The following BCL9 variants were observed in gnomAD, a reference collection of about 807,000 sequenced individuals.
BCL9 encodes the protein BCL9 transcription coactivator, also known as B-cell CLL/lymphoma 9 protein.
In BCL9, 25 loss-of-function variants were observed where a neutral mutation model predicts 88.5. That is an observed-to-expected ratio of 0.28 (90% CI 0.21 to 0.39). The LOEUF (loss-of-function observed/expected upper bound fraction) is 0.39, where lower values mean the gene tolerates loss of function less well. Ranked by LOEUF, BCL9 falls within the 10% of genes least tolerant of loss-of-function variation. The pLI is 1.00. For missense variants in BCL9, 1,817 were observed against 1,877.8 expected, an observed-to-expected ratio of 0.97 and a Z score of 0.60; for synonymous variants, 711 against 673.3, an observed-to-expected ratio of 1.06 and a Z score of -0.87.
chr1:147,612,731 G>A, intron 4 of BCL9, 152 bp from the exon 5 acceptor site: 1 of 721,340 alleles, frequency 1.4e-6, no homozygotes, highest in Non-Finnish European at 2.2e-6. Context: ...GATCAGGGGT[G>A]GCGGGAGCAA....
Position 147,619,762 on chromosome 1 carries a change from A to T in BCL9, c.1607A>T (p.Asp536Val). 1 of 1,613,876 alleles carries T rather than the reference A, an allele frequency of 6.2e-7. No homozygotes were observed. Among genetic ancestry groups the T allele is most frequent in the Non-Finnish European group, 8.5e-7 (1 of 1,179,964 alleles). Residue 536 changes from aspartate (D) to valine (V), a missense_variant, in exon 8 of 10, where the codon GAT becomes GTT. Coordinates refer to ENST00000234739, the MANE Select transcript of BCL9 (RefSeq NM_004326.4). This position sits in a 1 kb window ranked among gnomAD's most constrained non-coding sequence, Gnocchi z 4.1. ...WAPGGTEPFS[D>V]GINMPHSLPP... is the part of the protein sequence containing the mutation. ...CCTGGGGGTACAGAGCCATTTTCTG[A>T]TGGTATCAACATGCCACATTCTCTG...
At chr1:147,575,410 G>A (rs1553197966) in intron 1 of BCL9, among the ~76,000 whole-genome samples, 2 of 152,132 alleles carry the variant, frequency 1.3e-5, no homozygotes, top group Non-Finnish European at 2.9e-5. Flanking sequence ...TTTGCCCAGT[G>A]CCCAACACCA....
chr1:147,576,556 A>G (rs1232381373), intron 1 of BCL9, among the ~76,000 whole-genome samples: 1 of 152,186 alleles, frequency 6.6e-6, no homozygotes, highest in Non-Finnish European at 1.5e-5. Flanking sequence ...CATTGTGGTG[A>G]TATACTGTAA....
chr1:147,597,659 A>C (rs868911076), intron 1 of BCL9, among the ~76,000 whole-genome samples: 3 of 152,240 alleles, frequency 2.0e-5, no homozygotes, highest in Non-Finnish European at 2.9e-5. Context: ...TTCAGAGGGC[A>C]AAAATTCTAG....
rs1553203735 is a variant in BCL9, at chr1:147,615,830, G to A, written c.588G>A (p.Gln196=). The part of the protein sequence containing the change: ...NKAAEAVLKG[Q]VETIVSFHIQ... ...CTGCAGAAGCTGTTTTGAAGGGCCA[G>A]GTTGAAACTATCGTCTCTTTCCACA... Residue 196 remains glutamine (Q), a synonymous_variant, in exon 7 of 10, where the codon CAG becomes CAA. Coordinates refer to ENST00000234739, the MANE Select transcript of BCL9 (RefSeq NM_004326.4). The A allele has an allele frequency of 6.2e-7, 1 of 1,614,166 alleles. No homozygotes were observed.
At chr1:147,607,879 G>A (rs782693120) in intron 3 of BCL9, among the ~76,000 whole-genome samples, 7 of 152,324 alleles carry the variant, frequency 4.6e-5, no homozygotes, top group Admixed American at 1.3e-4. Context: ...TGTGTATACA[G>A]ATCTGCTGGA....
chr1:147,562,753 T>C (rs1291004009), intron 1 of BCL9, among the ~76,000 whole-genome samples: 1 of 152,128 alleles, frequency 6.6e-6, no homozygotes, highest in Non-Finnish European at 1.5e-5. Flanking sequence ...ACTTGCACAT[T>C]TATACTTAGG....
chr1:147,554,794 A>G (rs1553195232), intron 1 of BCL9, among the ~76,000 whole-genome samples: 2 of 152,098 alleles, frequency 1.3e-5, no homozygotes, highest in African/African-American at 4.8e-5. Flanking sequence ...ATTTTACAGG[A>G]TCTTTGGGGG....
intron 1 of BCL9, among the ~76,000 whole-genome samples, chr1:147,555,238 G>C (rs1298481403): frequency 6.6e-6 from 1 of 151,996 alleles, no homozygotes; most frequent in Non-Finnish European, 1.5e-5. Flanking sequence ...CTCTGGGTTG[G>C]TTTACGAAGT....
intron 1 of BCL9, among the ~76,000 whole-genome samples, chr1:147,592,208 C>T (rs1359510688): frequency 6.6e-6 from 1 of 152,240 alleles, no homozygotes; most frequent in East Asian, 1.9e-4. Context: ...ATACAGAACC[C>T]CCAAATCAAG....
intron 1 of BCL9, among the ~76,000 whole-genome samples, chr1:147,568,093 C>T (rs1188626035): frequency 2.0e-5 from 3 of 152,190 alleles, no homozygotes; most frequent in African/African-American, 7.2e-5. Flanking sequence ...TGCTAATGAT[C>T]TCACCTACCT....
chr1:147,604,670 T>C (rs1315068569), intron 1 of BCL9, 107 bp from the exon 2 acceptor site: 1 of 152,206 alleles, frequency 6.6e-6, no homozygotes, highest in African/African-American at 2.4e-5. Context: ...TCTTACTGTT[T>C]CTTCTTCCAA....
At chr1:147,601,109 A>T (rs1375084079) in intron 1 of BCL9, among the ~76,000 whole-genome samples, 3 of 152,208 alleles carry the variant, frequency 2.0e-5, no homozygotes, top group Non-Finnish European at 4.4e-5. Flanking sequence ...GCTACCAAGC[A>T]TGAAGGAGGA....
intron 1 of BCL9, among the ~76,000 whole-genome samples, chr1:147,603,075 A>T (rs1315180510): frequency 1.3e-5 from 2 of 152,242 alleles, no homozygotes; most frequent in Non-Finnish European, 2.9e-5. Flanking sequence ...CATCTCTTAG[A>T]ATGAGAGATT....
At chr1:147,565,412 A>C (rs1222830121) in intron 1 of BCL9, among the ~76,000 whole-genome samples, 1 of 152,220 alleles carries the variant, frequency 6.6e-6, no homozygotes, top group Non-Finnish European at 1.5e-5. Flanking sequence ...TCAGAAGAAA[A>C]TATGCCTGAG....
Position 147,620,289 on chromosome 1 carries a change from G to A in BCL9, c.2134G>A (p.Val712Ile), listed in dbSNP as rs372034307. Reference protein sequence around the residue: ...GPGRELEFGMVPSGMKGDVNL... With the variant: ...GPGRELEFGMIPSGMKGDVNL... ...TGGTCGGGAACTTGAGTTTGGGATGGTTCCTAGTGGGATGAAGGGAGATGT... is the reference window on the plus strand; with the variant it reads ...TGGTCGGGAACTTGAGTTTGGGATGATTCCTAGTGGGATGAAGGGAGATGT... Residue 712 changes from valine to isoleucine, a missense_variant, in exon 8 of 10, where the codon GTT becomes ATT. Coordinates refer to ENST00000234739, the MANE Select transcript of BCL9 (RefSeq NM_004326.4). 5.8e-5 allele frequency: 94 copies of A among 1,614,116 alleles called. No homozygotes were observed. The African/African-American group carries it at 9.6e-4, about 16-fold the overall frequency.
At chr1:147,581,775 C>T (rs1553198664) in intron 1 of BCL9, among the ~76,000 whole-genome samples, 12 of 152,084 alleles carry the variant, frequency 7.9e-5, no homozygotes, top group South Asian at 2.1e-4. Flanking sequence ...TAGACGCTGG[C>T]GACTTTCTAT....
intron 1 of BCL9, among the ~76,000 whole-genome samples, chr1:147,561,937 TAAAG>T (rs1251980023): frequency 1.3e-5 from 2 of 152,052 alleles, no homozygotes; most frequent in Admixed American, 6.6e-5. Flanking sequence ...ATGGCATAAA[TAAAG>T]AGTCATGTTC....
intron 1 of BCL9, among the ~76,000 whole-genome samples, chr1:147,587,079 G>C (rs1472661473): frequency 2.0e-5 from 3 of 149,204 alleles, no homozygotes; most frequent in Middle Eastern, 3.2e-3. Flanking sequence ...ACCCAACCCC[G>C]TCTCTCCTAA....
Sources: allele counts gnomAD v4.1 joint callset (sites outside exome capture counted in the v4.1 genomes callset), GRCh38; gene constraint gnomAD v4.1.1; non-coding constraint Gnocchi (gnomAD v3.1); transcripts MANE v1.5; gene names NCBI Gene and HGNC (gene_info 2026-07-23, HGNC 2026-07-21).